The following RBFOX1 variants were observed in gnomAD, a reference collection of about 807,000 sequenced individuals.
RBFOX1 encodes RNA binding protein fox-1 homolog 1.
A neutral mutation model predicts 57.7 loss-of-function variants in RBFOX1; 8 were observed. The observed-to-expected ratio is 0.14, with a 90% confidence interval of 0.08 to 0.25. RBFOX1 has a LOEUF of 0.25. RBFOX1 is among the 10% of genes least tolerant of loss of function. The probability of loss-of-function intolerance (pLI) is 1.00; values close to 1 mark genes in which losing one functional copy is unlikely to be tolerated. For synonymous variants in RBFOX1, 326 were observed against 222.4 expected (o/e 1.47, Z -4.15); for missense variants, 611 against 548.5 (o/e 1.11, Z -1.14).
intron 3 of RBFOX1, among the ~76,000 whole-genome samples, chr16:5,683,172 G>A (rs918402639): frequency 6.6e-6 from 1 of 151,798 alleles, no homozygotes; most frequent in Non-Finnish European, 1.5e-5. Flanking sequence ...GGGTGGGGGC[G>A]CCAGATCCTT....
At chr16:7,592,681 G>A (rs1384330619) in intron 7 of RBFOX1, among the ~76,000 whole-genome samples, 1 of 152,156 alleles carries the variant, frequency 6.6e-6, no homozygotes. Flanking sequence ...GGCCCATCAG[G>A]GAGGAAGAGA....
intron 4 of RBFOX1, among the ~76,000 whole-genome samples, chr16:7,486,876 C>T (rs2065539179): frequency 6.6e-6 from 1 of 152,142 alleles, no homozygotes; most frequent in Non-Finnish European, 1.5e-5. Context: ...GCAGTTAGTT[C>T]AAACACAATT....
intron 3 of RBFOX1, among the ~76,000 whole-genome samples, chr16:7,003,595 C>G (rs930653825): frequency 2.0e-5 from 3 of 152,072 alleles, no homozygotes; most frequent in Non-Finnish European, 4.4e-5. Flanking sequence ...TAAAATACCT[C>G]TGGAGAAAAA....
At chr16:7,018,776 C>T (rs535600012) in intron 3 of RBFOX1, among the ~76,000 whole-genome samples, 1 of 117,956 alleles carries the variant, frequency 8.5e-6, no homozygotes, top group Admixed American at 9.6e-5. Flanking sequence ...GTACCCTATA[C>T]CTTAAAGTAT....
intron 4 of RBFOX1, among the ~76,000 whole-genome samples, chr16:7,097,526 A>T (rs1308232226): frequency 1.3e-5 from 2 of 152,170 alleles, no homozygotes; most frequent in Non-Finnish European, 2.9e-5. Flanking sequence ...AGTGTTAGAG[A>T]ATTGTGGAAT....
chr16:6,750,649 A>T (rs17671037), intron 3 of RBFOX1, among the ~76,000 whole-genome samples: 22 of 152,060 alleles, frequency 1.4e-4, no homozygotes, highest in Non-Finnish European at 2.4e-4. Context: ...AACACCTGCA[A>T]TTATGCTGGG....
chr16:6,787,641 G>A (rs1295636983), intron 3 of RBFOX1, among the ~76,000 whole-genome samples: 1 of 152,086 alleles, frequency 6.6e-6, no homozygotes, highest in Non-Finnish European at 1.5e-5. Flanking sequence ...AGGTTTTGAA[G>A]ACACGTTATT....
chr16:7,576,557 C>A (rs17144144), intron 5 of RBFOX1, among the ~76,000 whole-genome samples: 1 of 151,804 alleles, frequency 6.6e-6, no homozygotes, highest in South Asian at 2.1e-4. Context: ...ACAGTTTATA[C>A]GCATTTGTAT....
intron 4 of RBFOX1, among the ~76,000 whole-genome samples, chr16:7,279,108 C>T (rs1386703306): frequency 6.2e-5 from 9 of 146,136 alleles, no homozygotes; most frequent in African/African-American, 2.3e-4. Context: ...TTTTAATGTA[C>T]ATTTTCTCTT....
In RBFOX1 at chr16:5,292,678, C is replaced by T. The variant is rs182227328; in HGVS notation, c.219+52573C>T. 6.6e-3 allele frequency among the ~76,000 whole-genome samples: 999 copies of T among 152,150 alleles called. 4 individuals carry two copies. Among genetic ancestry groups the T allele is most frequent in the Non-Finnish European group, 1.0e-2 (678 of 67,994 alleles). On this transcript the variant is annotated intron_variant, in intron 1 of 2. Coordinates refer to the RBFOX1 transcript ENST00000585867. ...CTCTCTCTGTCACCAGGCTGGAGTT[C>T]AGTGGCACGATCTCGGCTCACTGCA...
intron 13 of RBFOX1, among the ~76,000 whole-genome samples, chr16:7,667,283 C>G (rs1388129838): frequency 6.6e-6 from 1 of 152,138 alleles, no homozygotes; most frequent in Non-Finnish European, 1.5e-5. Flanking sequence ...CTAGCCTGTG[C>G]CACTGCCCAG....
chr16:5,611,232 C>T (rs1268795305), intron 3 of RBFOX1: 1 of 152,264 alleles, frequency 6.6e-6, no homozygotes, highest in Non-Finnish European at 1.5e-5. Flanking sequence ...GGTTCTTACT[C>T]ACCTGTCTGG....
chr16:7,160,993 C>T (rs1186290136), intron 4 of RBFOX1, among the ~76,000 whole-genome samples: 2 of 152,178 alleles, frequency 1.3e-5, no homozygotes, highest in African/African-American at 4.8e-5. Flanking sequence ...GAAGCTAACC[C>T]TTTATTTTCT....
intron 4 of RBFOX1, among the ~76,000 whole-genome samples, chr16:7,407,667 C>G (rs2098368981): frequency 6.6e-6 from 1 of 152,170 alleles, no homozygotes; most frequent in African/African-American, 2.4e-5. Context: ...TACCTATTAT[C>G]TTAATTGCCG....
At chr16:5,354,844 C>T (rs2065347752) in intron 1 of RBFOX1, among the ~76,000 whole-genome samples, 1 of 152,222 alleles carries the variant, frequency 6.6e-6, no homozygotes, top group South Asian at 2.1e-4. Flanking sequence ...AGCCACTTGT[C>T]ACCATGTGCC....
intron 2 of RBFOX1, among the ~76,000 whole-genome samples, chr16:6,441,459 C>G (rs2094380439): frequency 6.6e-6 from 1 of 151,912 alleles, no homozygotes; most frequent in East Asian, 1.9e-4. Flanking sequence ...TCTTGTTGCC[C>G]AGGCTGGAGT....
chr16:7,061,201 G>A (rs888231985), intron 4 of RBFOX1, among the ~76,000 whole-genome samples: 3 of 152,184 alleles, frequency 2.0e-5, no homozygotes, highest in African/African-American at 4.8e-5. Flanking sequence ...TCAGGCAAAT[G>A]ATCCCCAGGG....
chr16:5,878,293 C>G (rs1024598450), intron 4 of RBFOX1, among the ~76,000 whole-genome samples: 6 of 152,164 alleles, frequency 3.9e-5, no homozygotes, highest in Non-Finnish European at 8.8e-5. Flanking sequence ...TTAATGCTCA[C>G]TGTATGCTAG....
At chr16:6,927,997 G>C (rs547042085) in intron 3 of RBFOX1, among the ~76,000 whole-genome samples, 1 of 152,296 alleles carries the variant, frequency 6.6e-6, no homozygotes, top group African/African-American at 2.4e-5. Context: ...CTGTTCCGCT[G>C]CTGCTGGCTT....
Sources: allele counts gnomAD v4.1 joint callset (sites outside exome capture counted in the v4.1 genomes callset), GRCh38; gene constraint gnomAD v4.1.1; transcripts MANE v1.5; gene names NCBI Gene and HGNC (gene_info 2026-07-23, HGNC 2026-07-21).